GBP1: variants seen among roughly 807,000 people sequenced by gnomAD.
The protein encoded by GBP1 is guanylate-binding protein 1.
In GBP1, 64 loss-of-function variants were observed where a neutral mutation model predicts 69.5. The observed-to-expected ratio is 0.92, with a 90% CI of 0.75 to 1.13. GBP1 has a LOEUF of 1.13. GBP1 is among the 50% of genes most tolerant of loss of function. GBP1 has a pLI of 0.00. For missense variants in GBP1, 630 were observed against 704.1 expected, an observed-to-expected ratio of 0.89 and a Z score of 1.19; for synonymous variants, 250 against 261.2, an observed-to-expected ratio of 0.96 and a Z score of 0.41.
chr1:89,055,835 C>G (rs1402880064), intron 8 of GBP1, 181 bp downstream of exon 8: 2 of 718,246 alleles, frequency 2.8e-6, no homozygotes, highest in South Asian at 1.8e-5. Flanking sequence ...TGACTGCACT[C>G]TCTTTGATGA....
chr1:89,058,150 T>C lies in GBP1; in HGVS notation c.716A>G (p.Asp239Gly). Residue 239 changes from aspartate (D) to glycine (G), a missense_variant, in exon 6 of 11, where the codon GAT (aspartate) becomes GGT (glycine). Physicochemically the swap from Asp to Gly is moderately conservative, Grantham distance 94. Around this residue, in one of 5 missense-constraint regions of GBP1, gnomAD observed 367 missense variants for 369.5 expected, o/e 0.99. Coordinates refer to ENST00000370473, the MANE Select transcript of GBP1 (RefSeq NM_002053.3). ...AAGCTTCCTGCGGTGAACGGGCCGA[T>C]CAAAGACAAAGCATTTTTTCTTTGG... ...FFPKKKCFVF[D>G]RPVHRRKLAQ... 2 of 1,614,128 alleles carry C rather than the reference T, an allele frequency of 1.2e-6. No homozygotes were observed. The highest frequency in any genetic ancestry group is 1.7e-6 in the Non-Finnish European group (2 of 1,179,990).
chr1:89,055,904 G>C, intron 8 of GBP1, 112 bp downstream of exon 8: 1 of 1,265,426 alleles, frequency 7.9e-7, no homozygotes, highest in Non-Finnish European at 1.1e-6. Context: ...ATAAAAGCAT[G>C]AATGTTATGC....
rs150474721 is a variant in GBP1, at chr1:89,057,108, C to T, written c.901G>A (p.Val301Ile). 183 of 1,614,268 alleles carry T rather than the reference C, an allele frequency of 1.1e-4. No individual in the cohort carries two copies. The highest frequency in any genetic ancestry group is 6.5e-4 in the South Asian group (59 of 91,082). The part of the protein sequence containing the change: ...PRLESLVLTY[V>I]NAISSGDLPC... Reference sequence around the variant, plus strand: ...AGATCCCCACTGCTGATGGCATTGACGTAGGTCAGCACCAGGCTCTCTAGA... The same window carrying T: ...AGATCCCCACTGCTGATGGCATTGATGTAGGTCAGCACCAGGCTCTCTAGA... The change falls in exon 7 of 11, where the codon GTC becomes ATC. Residue 301 changes from valine (V) to isoleucine (I), a missense_variant. Val to Ile is a conservative substitution (Grantham distance 29, BLOSUM62 3). Around this residue, in one of 5 missense-constraint regions of GBP1, gnomAD observed 367 missense variants for 369.5 expected, o/e 0.99. Coordinates refer to ENST00000370473, the MANE Select transcript of GBP1 (RefSeq NM_002053.3).
At chr1:89,059,575 G>A (rs185090649) in intron 3 of GBP1, 149 bp from the exon 4 acceptor site, 1 of 780,044 alleles carries the variant, frequency 1.3e-6, no homozygotes, top group East Asian at 2.9e-5. Context: ...ACCTATTAAA[G>A]GAAGACAAAT....
In GBP1 at chr1:89,059,426, C is replaced by T. The variant is rs1446019704; in HGVS notation, c.319G>A (p.Gly107Ser). The part of the protein sequence containing the change: ...DTEGLGDVEK[G>S]DNQNDSWIFA... ...ATCCAGGAGTCATTCTGGTTGTCAC[C>T]CTGGAAGTCAAGACACACTGGAGTC... The change falls in exon 4 of 11, where the codon GGT (glycine) becomes AGT (serine). Residue 107 changes from glycine (G) to serine (S), a missense_variant and splice_region_variant. Around this residue, in one of 5 missense-constraint regions of GBP1, gnomAD observed 131 missense variants for 138.5 expected, o/e 0.95. Coordinates refer to ENST00000370473, the MANE Select transcript of GBP1 (RefSeq NM_002053.3). The T allele has an allele frequency of 3.1e-6, 5 of 1,613,894 alleles. No individual in the cohort carries two copies. Among genetic ancestry groups the T allele is most frequent in the Non-Finnish European group, 4.2e-6 (5 of 1,179,974 alleles).
rs770812253 is a variant in GBP1 at position 89,056,947 on chromosome 1, C to T, written c.1062G>A (p.Leu354=). The T allele has an allele frequency of 6.2e-7, 1 of 1,614,208 alleles. No homozygotes were observed. Among genetic ancestry groups the T allele is most frequent in the South Asian group, 1.1e-5 (1 of 91,088 alleles). The stretch of plus-strand genomic sequence containing the variant: ...CTCTCTCACTGTCCCTGTGCAGGTC[C>T]AGCAGCTCCTGGAGGGTTTCTGTGG... The part of the protein sequence containing the change: ...QLPTETLQEL[L]DLHRDSEREA... Residue 354 remains leucine, a synonymous_variant, in exon 7 of 11, where the codon CTG becomes CTA. Transcript: ENST00000370473.
intron 6 of GBP1, 132 bp from the exon 7 acceptor site, chr1:89,057,266 T>C (rs1028099133): frequency 2.4e-6 from 3 of 1,276,014 alleles, no homozygotes; most frequent in Admixed American, 2.4e-5. Flanking sequence ...GGAAGCTTGC[T>C]GGAAATAGAC....
intron 8 of GBP1, 134 bp downstream of exon 8, chr1:89,055,882 A>T: frequency 1.9e-6 from 2 of 1,060,912 alleles, no homozygotes; most frequent in Non-Finnish European, 2.9e-6. Flanking sequence ...GCCTGTTTGC[A>T]TATGTTATTG....
rs774399282 is a variant in GBP1, at chr1:89,063,210, C to G, written c.25G>C (p.Gly9Arg). MASEIHMT[G>R]PMCLIENTNG... ...GTGTTCTCAATGAGGCACATTGGGC[C>G]TGTCATGTGGATCTCTGATGCCATG... Residue 9 changes from glycine (G) to arginine (R), a missense_variant, in exon 2 of 11, where the codon GGC becomes CGC. This residue lies in a region of GBP1 where 131 missense variants were observed against 138.5 expected (regional missense o/e 0.95). Coordinates refer to ENST00000370473, the MANE Select transcript of GBP1 (RefSeq NM_002053.3). 6.2e-7 allele frequency: 1 copy of G among 1,614,036 alleles called. No homozygotes were observed. Among genetic ancestry groups the G allele is most frequent in the East Asian group, 2.2e-5 (1 of 44,876 alleles).
At chr1:89,054,374 A>G (rs1679990106) in intron 10 of GBP1, among the ~76,000 whole-genome samples, 1 of 152,234 alleles carries the variant, frequency 6.6e-6, no homozygotes, top group Non-Finnish European at 1.5e-5. Context: ...TGCTGGGATT[A>G]CAGGCGTGAG....
At chr1:89,064,240 T>TGTGTGTGA (rs1243424526) in intron 1 of GBP1, among the ~76,000 whole-genome samples, 5 of 100,066 alleles carry the variant, frequency 5.0e-5, no homozygotes, top group African/African-American at 1.7e-4. Context: ...TGTGTGTGTG[T>TGTGTGTGA]GAGAGAGAGA....
At position 89,056,351 on chromosome 1, in the gene GBP1, C is replaced by T; in HGVS notation, c.1156-123G>A. The T allele has an allele frequency of 6.7e-6, 10 of 1,488,894 alleles. No homozygotes were observed. The South Asian group carries it at 1.2e-4, about 18-fold the overall frequency. The allele number at this position is 1,488,894 out of a possible 1,614,324, so 92.2% of individuals were successfully genotyped here. ...ATGCTGGAGAAACTGACAGCCTCCT[C>T]ACCAGGACCACACTCTTCCTTCTGA... On this transcript the variant is annotated intron_variant, in intron 7 of 10. Coordinates refer to ENST00000370473, the MANE Select transcript of GBP1 (RefSeq NM_002053.3).
intron 2 of GBP1, among the ~76,000 whole-genome samples, chr1:89,060,778 C>T (rs1383496421): frequency 6.6e-6 from 1 of 152,210 alleles, no homozygotes; most frequent in African/African-American, 2.4e-5. Context: ...TCTCTGTCTG[C>T]TGATGATAGT....
chr1:89,059,719 G>A (rs1680136223), intron 3 of GBP1, among the ~76,000 whole-genome samples: 1 of 151,670 alleles, frequency 6.6e-6, no homozygotes, highest in Non-Finnish European at 1.5e-5. Flanking sequence ...AGGTTGGTGG[G>A]CATTTTAAGG....
rs774270023 is a variant in GBP1 at position 89,058,887 on chromosome 1, G to T, written c.585C>A (p.Pro195=). The change falls in exon 5 of 11, where the codon CCC becomes CCA. Residue 195 remains proline (P), a synonymous_variant. Coordinates refer to ENST00000370473, the MANE Select transcript of GBP1 (RefSeq NM_002053.3). ...ATGTCAGGTACTCATCTGGTGTGAGGGGTTGTCCATCTGCTTCCAAGTCCA... is the reference window on the plus strand; with the variant it reads ...ATGTCAGGTACTCATCTGGTGTGAGTGGTTGTCCATCTGCTTCCAAGTCCA... ...FSLDLEADGQ[P]LTPDEYLTYS... The T allele has an allele frequency of 9.3e-6, 15 of 1,614,018 alleles. No homozygotes were observed. In the African/African-American group the frequency reaches 1.7e-4, roughly 19 times the overall value.
intron 1 of GBP1, 43 bp downstream of exon 1, chr1:89,065,117 C>T (rs796261048): frequency 1.5e-4 from 23 of 152,310 alleles, no homozygotes; most frequent in African/African-American, 5.5e-4. Flanking sequence ...TCCTTTGGAG[C>T]TAGAGAGAAA....
At position 89,057,105 on chromosome 1, in the gene GBP1, T is replaced by G. The variant is rs369692456; in HGVS notation, c.904A>C (p.Asn302His). The G allele has an allele frequency of 1.2e-6, 2 of 1,614,152 alleles. No individual in the cohort carries two copies. Among genetic ancestry groups the G allele is most frequent in the Admixed American group, 3.3e-5 (2 of 60,014 alleles). The part of the protein sequence containing the change: ...RLESLVLTYV[N>H]AISSGDLPCM... The stretch of plus-strand genomic sequence containing the variant: ...GGCAGATCCCCACTGCTGATGGCAT[T>G]GACGTAGGTCAGCACCAGGCTCTCT... Residue 302 changes from asparagine (N) to histidine (H), a missense_variant, in exon 7 of 11, where the codon AAT becomes CAT. Asn to His is a moderately conservative substitution (Grantham distance 68). Around this residue, in one of 5 missense-constraint regions of GBP1, gnomAD observed 367 missense variants for 369.5 expected, o/e 0.99. Coordinates refer to ENST00000370473, the MANE Select transcript of GBP1 (RefSeq NM_002053.3).
Position 89,052,447 on chromosome 1 carries a change from G to T in GBP1, c.*908C>A, listed in dbSNP as rs1231419054. The T allele has an allele frequency of 6.6e-6, 1 of 152,042 alleles. No individual in the cohort carries two copies. The highest frequency in any genetic ancestry group is 1.9e-4 in the East Asian group (1 of 5,202). The allele number at this position is 152,042 out of a possible 1,614,324, so 9.4% of individuals were successfully genotyped here. ...GAGCATTATTAAATGAGTCAAAAAT[G>T]TCAAAAAAAATCCCATATTCTCTTC... is the stretch of plus-strand genomic sequence containing the variant. On this transcript the variant is annotated 3_prime_UTR_variant, in exon 11 of 11. Coordinates refer to ENST00000370473, the MANE Select transcript of GBP1 (RefSeq NM_002053.3).
chr1:89,058,448 C>G (rs1332225860), intron 5 of GBP1: 1 of 534,506 alleles, frequency 1.9e-6, no homozygotes, highest in Admixed American at 3.6e-5. Context: ...AGCTGGCAGG[C>G]AGGATTTGCC....
Sources: gnomAD v4.1 joint callset for allele counts (sites outside exome capture counted in the v4.1 genomes callset) on GRCh38, gnomAD v4.1.1 for gene constraint, gnomAD v4.1.1 regional missense constraint, MANE v1.5 for transcripts, NCBI Gene and HGNC (gene_info 2026-07-23, HGNC 2026-07-21) for gene names.